The following RB1 variants were observed in gnomAD, a reference collection of about 807,000 sequenced individuals.
The protein encoded by RB1 is RB transcriptional corepressor 1, also known as retinoblastoma-associated protein.
In RB1, 18 loss-of-function variants were observed where a neutral mutation model predicts 135.4. The ratio of observed to expected loss-of-function variants is 0.13; its 90% CI spans 0.09 to 0.20. The LOEUF (loss-of-function observed/expected upper bound fraction) is 0.20, where lower values mean the gene tolerates loss of function less well. Among genes scored for constraint, RB1 ranks in the 10% least tolerant of loss-of-function variants. RB1 has a pLI of 1.00. For missense variants in RB1, 868 were observed against 1,110.0 expected, an observed-to-expected ratio of 0.78 and a Z score of 3.10; for synonymous variants, 365 against 373.2, an observed-to-expected ratio of 0.98 and a Z score of 0.25.
chr13:48,459,793 A>G lies in RB1; in HGVS notation c.2066A>G (p.Gln689Arg), dbSNP rs1447082021. 3 of 1,613,934 alleles carry G rather than the reference A, an allele frequency of 1.9e-6. No individual in the cohort carries two copies. The highest frequency in any genetic ancestry group is 1.3e-5 in the African/African-American group (1 of 74,886). ...IIWTLFQHTL[Q>R]NEYELMRDRH... ...TGGACCCTTTTCCAGCACACCCTGC[A>G]GAATGAGTATGAACTCATGAGAGAC... Residue 689 changes from glutamine (Q) to arginine (R), a missense_variant, in exon 20 of 27, where the codon CAG (glutamine) becomes CGG (arginine). Physicochemically the swap from Gln to Arg is conservative, Grantham distance 43 (BLOSUM62 1). Coordinates refer to ENST00000267163, the MANE Select transcript of RB1 (RefSeq NM_000321.3).
At chr13:48,353,959 A>G (rs1371910208) in intron 6 of RB1, among the ~76,000 whole-genome samples, 2 of 152,164 alleles carry the variant, frequency 1.3e-5, no homozygotes, top group African/African-American at 4.8e-5. Context: ...AAAGCCATAT[A>G]TAACAGACCC....
At position 48,395,252 on chromosome 13, in the gene RB1, A is replaced by T. The variant is rs184680223; in HGVS notation, c.1695+13809A>T. ...GAAACCCCATTTGAAGGTCATCAAC[A>T]TCAAAGACCAAAGGTAGATAAATCC... On this transcript the variant is annotated intron_variant, in intron 17 of 26. Transcript: ENST00000267163. Among the ~76,000 whole-genome samples, 4 of 152,206 alleles carry T rather than the reference A, an allele frequency of 2.6e-5. No homozygotes were observed. The South Asian group carries it at 8.3e-4, about 32-fold the overall frequency.
intron 2 of RB1, among the ~76,000 whole-genome samples, chr13:48,334,903 T>G (rs1952369213): frequency 6.6e-6 from 1 of 152,092 alleles, no homozygotes; most frequent in Non-Finnish European, 1.5e-5. Context: ...GATTAAAATT[T>G]TGATAAAGAT....
chr13:48,347,888 T>A, intron 5 of RB1, 25 bp downstream of exon 5: 16 of 1,549,552 alleles, frequency 1.0e-5, no homozygotes, highest in Non-Finnish European at 1.2e-5. Flanking sequence ...GAATGTTATT[T>A]TTCACTTAAA....
intron 2 of RB1, among the ~76,000 whole-genome samples, chr13:48,326,259 TA>T (rs1414291660): frequency 1.3e-5 from 2 of 152,116 alleles, no homozygotes; most frequent in Non-Finnish European, 2.9e-5. Flanking sequence ...TTATCCTCCG[TA>T]AAAATGCCTA....
intron 17 of RB1, among the ~76,000 whole-genome samples, chr13:48,420,120 T>G (rs1234951149): frequency 1.3e-5 from 2 of 152,164 alleles, no homozygotes; most frequent in Non-Finnish European, 2.9e-5. Flanking sequence ...TTGATGAATA[T>G]CGACGTGAAA....
chr13:48,366,616 A>G (rs1414869113), intron 9 of RB1, among the ~76,000 whole-genome samples: 1 of 152,196 alleles, frequency 6.6e-6, no homozygotes, highest in East Asian at 1.9e-4. Context: ...AGATTTACAA[A>G]TTCTAGCAAT....
chr13:48,456,758 C>T (rs996519375), intron 19 of RB1, among the ~76,000 whole-genome samples: 14 of 152,228 alleles, frequency 9.2e-5, no homozygotes, highest in African/African-American at 3.1e-4. Flanking sequence ...GCTGCTGCAG[C>T]GGGGCGGGCA....
chr13:48,448,440 T>G (rs541813553), intron 17 of RB1, among the ~76,000 whole-genome samples: 4 of 152,322 alleles, frequency 2.6e-5, no homozygotes, highest in Admixed American at 2.6e-4. Context: ...GCTCACCATC[T>G]CCACCTTTAA....
rs777418484 is a variant in RB1 at position 48,307,839 on chromosome 13, G to A, written c.264+433G>A. On this transcript the variant is annotated intron_variant, in intron 2 of 26. Coordinates refer to ENST00000267163, the MANE Select transcript of RB1 (RefSeq NM_000321.3). ...GATCGTGCCACTGCACTCCAGCCTG[G>A]CAACAGAGCGAGAGTCTGTCTCAAA... Among the ~76,000 whole-genome samples the A allele has an allele frequency of 5.1e-4, 77 of 150,848 alleles. 1 individual carries two copies. The highest frequency in any genetic ancestry group is 1.2e-3 in the Admixed American group (18 of 15,058).
intron 17 of RB1, among the ~76,000 whole-genome samples, chr13:48,417,574 T>A (rs1434881331): frequency 6.6e-6 from 1 of 151,972 alleles, no homozygotes; most frequent in Admixed American, 6.6e-5. Flanking sequence ...GGACAGAGAA[T>A]AATAAACTCC....
At chr13:48,324,102 A>C (rs989627006) in intron 2 of RB1, among the ~76,000 whole-genome samples, 12 of 152,050 alleles carry the variant, frequency 7.9e-5, no homozygotes, top group African/African-American at 2.2e-4. Context: ...TATTTATGGG[A>C]TACATGTGAT....
chr13:48,419,818 C>A (rs1167806139), intron 17 of RB1, among the ~76,000 whole-genome samples: 2 of 152,174 alleles, frequency 1.3e-5, no homozygotes, highest in Non-Finnish European at 2.9e-5. Flanking sequence ...GACACATACA[C>A]CCTCCCAAGA....
rs1207022787 is a variant in RB1, at chr13:48,303,868, C to T, written c.-45C>T. The T allele has an allele frequency of 4.0e-6, 6 of 1,506,118 alleles. No individual in the cohort carries two copies. Among genetic ancestry groups the T allele is most frequent in the African/African-American group, 1.4e-5 (1 of 69,090 alleles). 93.3% of individuals were successfully genotyped at this position (1,506,118 alleles called of 1,614,324 possible). A position where few individuals can be genotyped will look rare whatever the true frequency, so the allele number is the denominator to read the frequency against. On this transcript the variant is annotated 5_prime_UTR_variant, in exon 1 of 27. Transcript: ENST00000267163. ...CGACGTGCGCGCGCGTCGTCCTCCC[C>T]GGCGCTCCTCCACAGCTCGCTGGCT...
At chr13:48,346,099 C>CTT (rs35882805) in intron 4 of RB1, among the ~76,000 whole-genome samples, 7,696 of 116,188 alleles carry the variant, frequency 0.066, 329 homozygotes, top group African/African-American at 0.12. Context: ...CATTGGCCAT[C>CTT]TTTTTTTTTT....
intron 4 of RB1, 39 bp from the exon 5 acceptor site, chr13:48,347,786 C>A (rs201796447): frequency 1.4e-6 from 2 of 1,450,072 alleles, no homozygotes; most frequent in Non-Finnish European, 1.9e-6. Context: ...TTCTAAATTA[C>A]GAAAAAATGT....
At chr13:48,307,443 T>A in intron 2 of RB1, 37 bp downstream of exon 2, 1 of 1,596,722 alleles carries the variant, frequency 6.3e-7, no homozygotes. Flanking sequence ...AATTTTTTTT[T>A]CTCATTTTAA....
chr13:48,403,219 A>G (rs1279586931), intron 17 of RB1, among the ~76,000 whole-genome samples: 7 of 152,140 alleles, frequency 4.6e-5, no homozygotes, highest in Non-Finnish European at 7.4e-5. Flanking sequence ...GGATTGTGCA[A>G]TTGCTTTTAA....
chr13:48,304,153 CGGGT>C, intron 1 of RB1, 104 bp downstream of exon 1: 3 of 1,237,898 alleles, frequency 2.4e-6, no homozygotes, highest in Non-Finnish European at 3.1e-6. Context: ...CGCCAGGGGC[CGGGT>C]CCCGGCGGGA....
Sources: allele counts gnomAD v4.1 joint callset (sites outside exome capture counted in the v4.1 genomes callset), GRCh38; gene constraint gnomAD v4.1.1; transcripts MANE v1.5; gene names NCBI Gene and HGNC (gene_info 2026-07-23, HGNC 2026-07-21).